IGSF9B: variants seen among roughly 807,000 people sequenced by gnomAD.
IGSF9B encodes the protein immunoglobulin superfamily member 9B.
IGSF9B carries 48 observed loss-of-function variants against 143.7 expected under a neutral mutation model. The ratio of observed to expected loss-of-function variants is 0.33; its 90% CI spans 0.26 to 0.42. The LOEUF (loss-of-function observed/expected upper bound fraction) is 0.42, where lower values mean the gene tolerates loss of function less well. Among genes scored for constraint, IGSF9B ranks in the 20% least tolerant of loss-of-function variants. IGSF9B has a pLI of 1.00. For missense variants in IGSF9B, 1,706 were observed against 1,980.0 expected, an observed-to-expected ratio of 0.86 and a Z score of 2.63; for synonymous variants, 903 against 833.1, an observed-to-expected ratio of 1.08 and a Z score of -1.44.
chr11:133,922,716 G>A lies in IGSF9B; in HGVS notation c.2134C>T (p.Pro712Ser). 1 of 1,570,442 alleles carries A rather than the reference G, an allele frequency of 6.4e-7. No homozygotes were observed. The highest frequency in any genetic ancestry group is 1.4e-5 in the African/African-American group (1 of 74,054). The change falls in exon 16 of 20, where the codon CCG (proline) becomes TCG (serine). Residue 712 changes from proline (P) to serine (S), a missense_variant. Coordinates refer to ENST00000533871, the MANE Select transcript of IGSF9B (RefSeq NM_001277285.4). ...GVSSTDIFPQ[P>S]DLTEDGLARP... ...GCCAGCCCATCCTCGGTCAGGTCCG[G>A]CTGCGGGAAGATGTCTGCAGGGAGG...
chr11:133,926,856 G>T, intron 13 of IGSF9B, 60 bp downstream of exon 13: 2 of 1,438,116 alleles, frequency 1.4e-6, no homozygotes, highest in South Asian at 1.3e-5. Context: ...TAGCTGCCTG[G>T]GCCACCGCCC....
chr11:133,919,577 C>T (rs1939468625), intron 18 of IGSF9B, among the ~76,000 whole-genome samples, 165 bp downstream of exon 18: 1 of 152,206 alleles, frequency 6.6e-6, no homozygotes, highest in Admixed American at 6.5e-5. Flanking sequence ...AGCGACTGCA[C>T]CCCGCCCAAA....
At position 133,919,898 on chromosome 11, in the gene IGSF9B, G is replaced by A. The variant is rs529654411; in HGVS notation, c.3827C>T (p.Thr1276Ile). Residue 1276 changes from threonine to isoleucine, a missense_variant, in exon 18 of 20, where the codon ACC becomes ATC. By Grantham distance (89) the Thr-to-Ile change is moderately conservative. Coordinates refer to ENST00000533871, the MANE Select transcript of IGSF9B (RefSeq NM_001277285.4). The part of the protein sequence containing the change: ...SPSYRPAMGF[T>I]TLATGYPSPP... Reference sequence around the variant, plus strand: ...GGAAGGGTAGCCGGTGGCCAGAGTGGTGAAGCCCATGGCGGGCCGGTAGCT... The same window carrying A: ...GGAAGGGTAGCCGGTGGCCAGAGTGATGAAGCCCATGGCGGGCCGGTAGCT... 3 of 1,581,782 alleles carry A rather than the reference G, an allele frequency of 1.9e-6. No homozygotes were observed. The highest frequency in any genetic ancestry group is 4.5e-5 in the East Asian group (2 of 44,422).
At chr11:133,915,579 C>T (rs1350407320) in intron 18 of IGSF9B, among the ~76,000 whole-genome samples, 1 of 152,094 alleles carries the variant, frequency 6.6e-6, no homozygotes, top group Non-Finnish European at 1.5e-5. Context: ...CATACAAAAC[C>T]CAAATCATGA....
intron 1 of IGSF9B, among the ~76,000 whole-genome samples, chr11:133,954,688 G>A (rs1445328788): frequency 6.6e-6 from 1 of 152,218 alleles, no homozygotes; most frequent in Non-Finnish European, 1.5e-5. Flanking sequence ...CAAGGTCACA[G>A]GGTCGGCAGG....
At chr11:133,939,897 GAAAC>G (rs985052390) in intron 3 of IGSF9B, among the ~76,000 whole-genome samples, 7 of 126,414 alleles carry the variant, frequency 5.5e-5, no homozygotes, top group Non-Finnish European at 1.0e-4. Flanking sequence ...ATCACATACA[GAAAC>G]ATACACCTTG....
intron 7 of IGSF9B, among the ~76,000 whole-genome samples, chr11:133,933,487 T>G (rs1448501522): frequency 6.6e-6 from 1 of 152,216 alleles, no homozygotes; most frequent in African/African-American, 2.4e-5. Context: ...GGCTCACACC[T>G]GTAATCTCAA....
rs1939027505 is a variant in IGSF9B at position 133,896,917 on chromosome 11, C to T, written c.*12152G>A. On this transcript the variant is annotated 3_prime_UTR_variant, in exon 20 of 20. Coordinates refer to ENST00000533871, the MANE Select transcript of IGSF9B (RefSeq NM_001277285.4). ...GGGGTCATCTCCAGCGGGGTCTTCTCAGTGTTTGGGAAGAAGGGGCAGGGC... is the reference window on the plus strand; with the variant it reads ...GGGGTCATCTCCAGCGGGGTCTTCTTAGTGTTTGGGAAGAAGGGGCAGGGC... The T allele has an allele frequency of 6.6e-6, 1 of 152,506 alleles. No individual in the cohort carries two copies. Among genetic ancestry groups the T allele is most frequent in the African/African-American group, 2.4e-5 (1 of 41,430 alleles). The allele number at this position is 152,506 out of a possible 1,614,324, so 9.4% of individuals were successfully genotyped here.
At position 133,907,017 on chromosome 11, in the gene IGSF9B, C is replaced by A. The variant is rs1160684322; in HGVS notation, c.*2052G>T. On this transcript the variant is annotated 3_prime_UTR_variant, in exon 20 of 20. Transcript: ENST00000533871. ...CACAAAGAGTTGTGTGCTCTTCCAT[C>A]TCGCAGAGCTGGTGCCCAGTGGTCA... Among the ~76,000 whole-genome samples the A allele has an allele frequency of 1.3e-5, 2 of 152,210 alleles. No homozygotes were observed. The highest frequency in any genetic ancestry group is 4.8e-5 in the African/African-American group (2 of 41,458).
rs1033651842 is a variant in IGSF9B, at chr11:133,906,008, G to A, written c.*3061C>T. Among the ~76,000 whole-genome samples the A allele has an allele frequency of 1.8e-4, 27 of 152,246 alleles. No homozygotes were observed. The highest frequency in any genetic ancestry group is 6.3e-4 in the African/African-American group (26 of 41,456). On this transcript the variant is annotated 3_prime_UTR_variant, in exon 20 of 20. Transcript: ENST00000533871. ...AGCCACAGTTCTCAGCCATGATGCT[G>A]AAGAGGCAGACAGACATCTGAGACA...
chr11:133,919,629 C>T (rs936980948), intron 18 of IGSF9B, 113 bp downstream of exon 18: 1 of 687,330 alleles, frequency 1.5e-6, no homozygotes, highest in Non-Finnish European at 2.2e-6. Context: ...GCCGGTGCGG[C>T]ATGTCCGCAC....
Position 133,911,932 on chromosome 11 carries a change from C to T in IGSF9B, c.4059G>A (p.Lys1353=). ...AAGAGCCCTTGGATGACTTTTTGGGCTTCTTTATCCGTTGGTATTTCAGAG... is the reference window on the plus strand; with the variant it reads ...AAGAGCCCTTGGATGACTTTTTGGGTTTCTTTATCCGTTGGTATTTCAGAG... ...LEALKYQRIK[K]PKKSSKGSSK... The change falls in exon 19 of 20, where the codon AAG becomes AAA. Residue 1353 remains lysine, a synonymous_variant. Coordinates refer to ENST00000533871, the MANE Select transcript of IGSF9B (RefSeq NM_001277285.4). 6.5e-7 allele frequency: 1 copy of T among 1,534,900 alleles called. No individual in the cohort carries two copies. The highest frequency in any genetic ancestry group is 8.7e-7 in the Non-Finnish European group (1 of 1,146,514).
At position 133,901,582 on chromosome 11, in the gene IGSF9B, A is replaced by T. The variant is rs1231665874; in HGVS notation, c.*7487T>A. ...CATCTGATCCTTGCCTCCCACATAC[A>T]TTCCCCTCTCTCCTTAAAATAGAAC... On this transcript the variant is annotated 3_prime_UTR_variant, in exon 20 of 20. Coordinates refer to ENST00000533871, the MANE Select transcript of IGSF9B (RefSeq NM_001277285.4). 6.6e-5 allele frequency: 10 copies of T among 151,884 alleles called. No homozygotes were observed. The highest frequency in any genetic ancestry group is 1.3e-4 in the Non-Finnish European group (9 of 67,948). The allele number at this position is 151,884 out of a possible 1,614,324, so 9.4% of individuals were successfully genotyped here.
intron 7 of IGSF9B, 119 bp downstream of exon 7, chr11:133,935,498 C>T: frequency 8.5e-7 from 1 of 1,176,088 alleles, no homozygotes; most frequent in South Asian, 1.6e-5. Flanking sequence ...CTTATTCGCT[C>T]CTCCACCTAC....
chr11:133,937,761 G>A (rs947764323), intron 4 of IGSF9B, 49 bp downstream of exon 4: 1 of 1,584,164 alleles, frequency 6.3e-7, no homozygotes, highest in Non-Finnish European at 8.6e-7. Flanking sequence ...GCTGCCCTGG[G>A]GAAACGGGGG....
Position 133,930,956 on chromosome 11 carries a change from G to A in IGSF9B, c.1519+28C>T, listed in dbSNP as rs182646731. On this transcript the variant is annotated intron_variant, in intron 11 of 19. Transcript: ENST00000533871. The stretch of plus-strand genomic sequence containing the variant: ...CCAGCCAGCCTGCTCTGTCCCCGCC[G>A]CCCGGCCCAGCCTTGCCGGCCACGT... 2.9e-4 allele frequency: 454 copies of A among 1,585,592 alleles called. No homozygotes were observed. The African/African-American group carries it at 3.1e-3, about 11-fold the overall frequency.
chr11:133,920,992 C>G lies in IGSF9B; in HGVS notation c.2733G>C (p.Gln911His). 1 of 1,611,146 alleles carries G rather than the reference C, an allele frequency of 6.2e-7. No individual in the cohort carries two copies. Residue 911 changes from glutamine (Q) to histidine (H), a missense_variant, in exon 18 of 20, where the codon CAG (glutamine) becomes CAC (histidine). Coordinates refer to ENST00000533871, the MANE Select transcript of IGSF9B (RefSeq NM_001277285.4). ...VPTSVAALKSQLTPLSSSQES... is the reference protein window; with the variant it reads ...VPTSVAALKSHLTPLSSSQES... The stretch of plus-strand genomic sequence containing the variant: ...CCTGGCTGGATGACAGAGGGGTGAG[C>G]TGGGACTTCAGGGCGGCCACAGATG...
At chr11:133,946,019 C>A (rs140831590) in intron 2 of IGSF9B, 42 bp downstream of exon 2, 25,264 of 1,396,506 alleles carry the variant, frequency 0.018, 292 homozygotes, top group South Asian at 0.031. Flanking sequence ...GGAGCTGACT[C>A]CAGCTGGGGA....
chr11:133,897,361 C>T lies in IGSF9B; in HGVS notation c.*11708G>A, dbSNP rs181609682. On this transcript the variant is annotated 3_prime_UTR_variant, in exon 20 of 20. Coordinates refer to ENST00000533871, the MANE Select transcript of IGSF9B (RefSeq NM_001277285.4). ...CCGCTCTCACTCTCTTGCGTGCACA[C>T]ACGCACACGCACACACACGCACAGG... is the stretch of plus-strand genomic sequence containing the variant. The T allele has an allele frequency of 2.0e-4, 30 of 150,970 alleles. No homozygotes were observed. The highest frequency in any genetic ancestry group is 2.0e-3 in the Admixed American group (30 of 15,160). The allele number at this position is 150,970 out of a possible 1,614,324, so 9.4% of individuals were successfully genotyped here.
Sources: allele counts gnomAD v4.1 joint callset (sites outside exome capture counted in the v4.1 genomes callset), GRCh38; gene constraint gnomAD v4.1.1; transcripts MANE v1.5; gene names NCBI Gene and HGNC (gene_info 2026-07-23, HGNC 2026-07-21).